The following CPNE8 variants were observed in gnomAD, a reference collection of about 807,000 sequenced individuals.
The protein encoded by CPNE8 is copine 8.
Under a neutral mutation model 81.5 loss-of-function variants are expected in CPNE8, and 45 were observed. That is an observed-to-expected ratio of 0.55 (90% CI 0.44 to 0.71). The LOEUF is 0.71. Ranked by LOEUF, CPNE8 falls within the 30% of genes least tolerant of loss-of-function variation. The probability of loss-of-function intolerance (pLI) is 0.00; values close to 1 mark genes in which losing one functional copy is unlikely to be tolerated. For missense variants in CPNE8, 594 were observed against 672.1 expected (o/e 0.88, Z 1.28); for synonymous variants, 252 against 226.3 (o/e 1.11, Z -1.02).
intron 6 of CPNE8, among the ~76,000 whole-genome samples, chr12:38,791,225 T>A (rs1159533825): frequency 6.6e-6 from 1 of 151,670 alleles, no homozygotes; most frequent in Non-Finnish European, 1.5e-5. Context: ...AACAGATGTT[T>A]CATTTCTCCC....
intron 6 of CPNE8, among the ~76,000 whole-genome samples, chr12:38,807,130 T>G (rs1476293480): frequency 6.6e-6 from 1 of 152,058 alleles, no homozygotes; most frequent in Non-Finnish European, 1.5e-5. Context: ...GAACATTCCA[T>G]GCTCATGGGT....
chr12:38,875,436 A>C (rs1944052290), intron 1 of CPNE8, among the ~76,000 whole-genome samples: 1 of 152,298 alleles, frequency 6.6e-6, no homozygotes, highest in Non-Finnish European at 1.5e-5. Context: ...GTGTTTAATA[A>C]TCATCTTCCA....
At chr12:38,678,680 A>G (rs1565564366) in intron 16 of CPNE8, among the ~76,000 whole-genome samples, 1 of 151,982 alleles carries the variant, frequency 6.6e-6, no homozygotes, top group African/African-American at 2.4e-5. Flanking sequence ...CATATAAAGA[A>G]GAAAAATACT....
chr12:38,905,696 C>G (rs933718489), upstream of CPNE8: 29 of 1,452,348 alleles, frequency 2.0e-5, no homozygotes, highest in African/African-American at 3.2e-4. Context: ...AGGCGGACCT[C>G]CGCGCAGAGC....
intron 10 of CPNE8, among the ~76,000 whole-genome samples, chr12:38,747,211 A>T (rs1473965097): frequency 6.6e-6 from 1 of 152,190 alleles, no homozygotes; most frequent in African/African-American, 2.4e-5. Flanking sequence ...ATTGCCAAAG[A>T]TTTTCTACAT....
chr12:38,717,900 C>G (rs763109676), intron 13 of CPNE8, among the ~76,000 whole-genome samples: 8 of 151,996 alleles, frequency 5.3e-5, no homozygotes, highest in Non-Finnish European at 7.4e-5. Context: ...ACAAATGCAG[C>G]AATCAGTGCT....
intron 6 of CPNE8, among the ~76,000 whole-genome samples, chr12:38,785,180 T>G (rs1208101115): frequency 1.4e-5 from 2 of 147,152 alleles, no homozygotes; most frequent in Admixed American, 6.8e-5. Flanking sequence ...AGAGTGAGAC[T>G]CTGTCTCTGA....
chr12:38,702,869 A>G lies in CPNE8; in HGVS notation c.961+6T>C. Reference sequence around the variant, plus strand: ...ATTTTTATCAGGGGATAATCAAAACACTCACCGTTTGATGCTGTAAAATCA... The same window carrying G: ...ATTTTTATCAGGGGATAATCAAAACGCTCACCGTTTGATGCTGTAAAATCA... On this transcript the variant is annotated splice_donor_region_variant and intron_variant, in intron 14 of 19. Coordinates refer to ENST00000331366, the MANE Select transcript of CPNE8 (RefSeq NM_153634.3). 1 of 1,528,154 alleles carries G rather than the reference A, an allele frequency of 6.5e-7. No individual in the cohort carries two copies. The highest frequency in any genetic ancestry group is 1.3e-5 in the South Asian group (1 of 77,090). The allele number at this position is 1,528,154 out of a possible 1,614,324, so 94.7% of individuals were successfully genotyped here. A position where few individuals can be genotyped will look rare whatever the true frequency, so the allele number is the denominator to read the frequency against.
chr12:38,848,582 T>G lies in CPNE8; in HGVS notation c.267A>C (p.Glu89Asp). The change falls in exon 4 of 20, where the codon GAA (glutamate) becomes GAC (aspartate). Residue 89 changes from glutamate to aspartate, a missense_variant. Transcript: ENST00000331366. ...RKFILDYFFEERENLRFDLYD... is the reference protein window; with the variant it reads ...RKFILDYFFEDRENLRFDLYD... ...ACAAGTCAAAACGAAGATTCTCTCTTTCTTCAAAAAAGTAGTCCAGAATAA... is the reference window on the plus strand; with the variant it reads ...ACAAGTCAAAACGAAGATTCTCTCTGTCTTCAAAAAAGTAGTCCAGAATAA... 1 of 1,583,452 alleles carries G rather than the reference T, an allele frequency of 6.3e-7. No individual in the cohort carries two copies. Among genetic ancestry groups the G allele is most frequent in the Non-Finnish European group, 8.5e-7 (1 of 1,171,410 alleles).
chr12:38,900,813 G>A (rs954240219), intron 1 of CPNE8, among the ~76,000 whole-genome samples: 2 of 152,166 alleles, frequency 1.3e-5, no homozygotes, highest in Non-Finnish European at 2.9e-5. Flanking sequence ...AGGAGTGATG[G>A]GAGATGAGGC....
chr12:38,725,662 A>G (rs1377816293), intron 11 of CPNE8, among the ~76,000 whole-genome samples: 7 of 152,222 alleles, frequency 4.6e-5, no homozygotes, highest in African/African-American at 9.6e-5. Flanking sequence ...ATTAACTTAA[A>G]CTAAGGCTTC....
intron 6 of CPNE8, among the ~76,000 whole-genome samples, chr12:38,797,123 C>A (rs994389689): frequency 6.6e-6 from 1 of 152,196 alleles, no homozygotes; most frequent in African/African-American, 2.4e-5. Context: ...GGGCAGGGCA[C>A]AGACAAACAA....
At chr12:38,827,166 CAAAAA>C (rs10574071) in intron 6 of CPNE8, among the ~76,000 whole-genome samples, 5 of 93,138 alleles carry the variant, frequency 5.4e-5, no homozygotes, top group Non-Finnish European at 2.2e-5. Flanking sequence ...GACTCCGTCT[CAAAAA>C]AAAAAAAAAA....
chr12:38,795,000 C>A (rs1019498481), intron 6 of CPNE8, among the ~76,000 whole-genome samples: 1 of 152,204 alleles, frequency 6.6e-6, no homozygotes, highest in African/African-American at 2.4e-5. Context: ...CTTCTTCTTT[C>A]TCCTGTGCTG....
Position 38,854,124 on chromosome 12 carries a change from T to C in CPNE8, c.187-5462A>G, listed in dbSNP as rs1943689163. ...CGGTAGGCAGAATATTCTGACATAA[T>C]ATTAAGATAAATTTAATCTAAAACC... On this transcript the variant is annotated intron_variant, in intron 3 of 19. Transcript: ENST00000331366. Among the ~76,000 whole-genome samples the C allele has an allele frequency of 2.6e-5, 4 of 151,976 alleles. No individual in the cohort carries two copies. In the South Asian group the frequency reaches 8.3e-4, roughly 32 times the overall value.
intron 3 of CPNE8, among the ~76,000 whole-genome samples, chr12:38,854,575 G>A (rs769103502): frequency 9.9e-5 from 15 of 151,938 alleles, no homozygotes; most frequent in South Asian, 2.1e-4. Flanking sequence ...ATAATTTATC[G>A]TAGGTGGGAT....
intron 7 of CPNE8, among the ~76,000 whole-genome samples, chr12:38,772,691 G>A (rs1243015274): frequency 1.3e-5 from 2 of 152,200 alleles, no homozygotes; most frequent in African/African-American, 4.8e-5. Flanking sequence ...TGCAGCCACT[G>A]TGGAAAATAG....
rs1392976480 is a variant in CPNE8 at position 38,776,218 on chromosome 12, C to T, written c.471+20G>A. ...TTGAAGTATGGAAGTATTTTCTAAACCAAAGAAATATTTACTTACCCTGCA... is the reference window on the plus strand; with the variant it reads ...TTGAAGTATGGAAGTATTTTCTAAATCAAAGAAATATTTACTTACCCTGCA... On this transcript the variant is annotated intron_variant, in intron 7 of 19. Coordinates refer to ENST00000331366, the MANE Select transcript of CPNE8 (RefSeq NM_153634.3). The T allele has an allele frequency of 3.6e-6, 5 of 1,405,362 alleles. No individual in the cohort carries two copies. The highest frequency in any genetic ancestry group is 1.4e-5 in the South Asian group (1 of 71,886). The allele number at this position is 1,405,362 out of a possible 1,614,324, so 87.1% of individuals were successfully genotyped here. A position where few individuals can be genotyped will look rare whatever the true frequency, so the allele number is the denominator to read the frequency against.
At chr12:38,826,387 T>C (rs1334986319) in intron 6 of CPNE8, among the ~76,000 whole-genome samples, 3 of 152,258 alleles carry the variant, frequency 2.0e-5, no homozygotes, top group African/African-American at 7.2e-5. Flanking sequence ...GTGGTTACTG[T>C]AGATCCATGT....
Sources: gnomAD v4.1 joint callset for allele counts (sites outside exome capture counted in the v4.1 genomes callset) on GRCh38, gnomAD v4.1.1 for gene constraint, MANE v1.5 for transcripts, NCBI Gene and HGNC (gene_info 2026-07-23, HGNC 2026-07-21) for gene names.